ABCC11: variants seen among roughly 807,000 people sequenced by gnomAD.
ABCC11 encodes ATP-binding cassette sub-family C member 11.
Under a neutral mutation model 149.3 loss-of-function variants are expected in ABCC11, and 135 were observed. That is an observed-to-expected ratio of 0.90 (90% CI 0.79 to 1.04). The LOEUF (loss-of-function observed/expected upper bound fraction) is 1.04. Among genes scored for constraint, ABCC11 ranks in the 50% least tolerant of loss-of-function variants. The pLI is 0.00. For synonymous variants in ABCC11, 665 were observed against 671.4 expected, an observed-to-expected ratio of 0.99 and a Z score of 0.15; for missense variants, 1,680 against 1,722.1, an observed-to-expected ratio of 0.98 and a Z score of 0.43.
intron 4 of ABCC11, among the ~76,000 whole-genome samples, chr16:48,227,346 C>T (rs566139446): frequency 2.6e-5 from 4 of 151,828 alleles, no homozygotes; most frequent in African/African-American, 4.8e-5. Context: ...TGGTGGCAAG[C>T]GCCTGTAATT....
intron 3 of ABCC11, 85 bp from the exon 4 acceptor site, chr16:48,228,049 GGTTACCC>G: frequency 8.4e-7 from 1 of 1,185,088 alleles, no homozygotes; most frequent in Non-Finnish European, 1.1e-6. Context: ...AACACAACGA[GGTTACCC>G]AGATCTACAC....
At chr16:48,199,241 A>G (rs145000943) in intron 15 of ABCC11, among the ~76,000 whole-genome samples, 1 of 152,232 alleles carries the variant, frequency 6.6e-6, no homozygotes, top group East Asian at 1.9e-4. Context: ...GAAGACATGC[A>G]TGGAAACAAT....
At chr16:48,181,352 A>G (rs114004880) in intron 23 of ABCC11, among the ~76,000 whole-genome samples, 1 of 152,204 alleles carries the variant, frequency 6.6e-6, no homozygotes, top group Admixed American at 6.5e-5. Flanking sequence ...AAACGCTCTA[A>G]GCCCTAAGTT....
At chr16:48,184,361 A>AC in intron 23 of ABCC11, 79 bp downstream of exon 23, 1 of 1,505,384 alleles carries the variant, frequency 6.6e-7, no homozygotes, top group South Asian at 1.3e-5. Context: ...ACACCTGAGG[A>AC]CCCCCTGAGT....
At chr16:48,195,809 T>C (rs1027839374) in intron 18 of ABCC11, among the ~76,000 whole-genome samples, 1 of 152,166 alleles carries the variant, frequency 6.6e-6, no homozygotes, top group Non-Finnish European at 1.5e-5. Context: ...CTGCTCATGA[T>C]AAACTCAGCT....
At chr16:48,233,540 T>TG (rs1246961678) in intron 1 of ABCC11, among the ~76,000 whole-genome samples, 1 of 152,198 alleles carries the variant, frequency 6.6e-6, no homozygotes, top group African/African-American at 2.4e-5. Context: ...TTTACAGCTC[T>TG]GGGAGGAAGA....
At position 48,170,058 on chromosome 16, in the gene ABCC11, T is replaced by A. The variant is rs114778367; in HGVS notation, c.3891+47A>T. The A allele has an allele frequency of 3.3e-3, 5,100 of 1,532,294 alleles. 164 individuals carry two copies. The African/African-American group carries it at 0.063, about 19-fold the overall frequency. 94.9% of individuals were successfully genotyped at this position (1,532,294 alleles called of 1,614,324 possible). Reference sequence around the variant, plus strand: ...GGAGCCGGTGTGGCTTCCCTCATCATGCGTAGTCTGTGGCTTCCCCTGGCC... The same window carrying A: ...GGAGCCGGTGTGGCTTCCCTCATCAAGCGTAGTCTGTGGCTTCCCCTGGCC... On this transcript the variant is annotated intron_variant, in intron 28 of 29. Transcript: ENST00000356608.
intron 1 of ABCC11, chr16:48,232,248 T>G (rs1413734144): frequency 4.2e-6 from 1 of 237,858 alleles, no homozygotes; most frequent in Non-Finnish European, 7.7e-6. Flanking sequence ...GCTCATAAAA[T>G]CAGTCTTCTT....
At chr16:48,244,347 T>G (rs2150949540) in intron 1 of ABCC11, 2 of 1,430,488 alleles carry the variant, frequency 1.4e-6, no homozygotes, top group South Asian at 2.7e-5. Flanking sequence ...CAGCTGTCTG[T>G]CTGGCTCTTT....
chr16:48,213,516 C>T lies in ABCC11; in HGVS notation c.1283G>A (p.Arg428Gln), dbSNP rs375175696. 36 of 1,610,506 alleles carry T rather than the reference C, an allele frequency of 2.2e-5. No individual in the cohort carries two copies. In the Middle Eastern group the frequency reaches 4.9e-4, roughly 22 times the overall value. The change falls in exon 10 of 30, where the codon CGG becomes CAG. Residue 428 changes from arginine to glutamine, a missense_variant. Transcript: ENST00000356608. ...AATAGGCACAAAGAACACTGACAGC[C>T]GAAGGAGATTCAAGGAGGCCAGCAT... ...FSMLASLNLL[R>Q]LSVFFVPIAV...
intron 15 of ABCC11, among the ~76,000 whole-genome samples, chr16:48,198,669 A>G (rs1967659624): frequency 6.6e-6 from 1 of 151,598 alleles, no homozygotes; most frequent in South Asian, 2.1e-4. Flanking sequence ...AGTGAAAAAT[A>G]AGAAACAACT....
chr16:48,216,360 C>G (rs1969346061), intron 6 of ABCC11, 73 bp from the exon 7 acceptor site: 2 of 1,455,822 alleles, frequency 1.4e-6, no homozygotes, highest in Admixed American at 1.8e-5. Flanking sequence ...GGTGGCCTCC[C>G]CATGCCCTCT....
In ABCC11 at chr16:48,215,348, G is replaced by A; in HGVS notation, c.952-4C>T. 1 of 1,612,352 alleles carries A rather than the reference G, an allele frequency of 6.2e-7. No individual in the cohort carries two copies. Among genetic ancestry groups the A allele is most frequent in the Non-Finnish European group, 8.5e-7 (1 of 1,178,704 alleles). ...CAGCCATTCTTGTCATGAATACCTG[G>A]AGTCAGGATACAGCAAGTTTGGAGT... On this transcript the variant is annotated splice_polypyrimidine_tract_variant and splice_region_variant and intron_variant, in intron 7 of 29. Coordinates refer to ENST00000356608, the MANE Select transcript of ABCC11 (RefSeq NM_001370497.1).
In ABCC11 at chr16:48,198,193, T is replaced by C; in HGVS notation, c.2165A>G (p.Lys722Arg). 1 of 1,614,246 alleles carries C rather than the reference T, an allele frequency of 6.2e-7. No homozygotes were observed. Among genetic ancestry groups the C allele is most frequent in the Non-Finnish European group, 8.5e-7 (1 of 1,180,038 alleles). Reference protein sequence around the residue: ...ENGTHSELMQKKGKYAQLIQK... With the variant: ...ENGTHSELMQRKGKYAQLIQK... Reference sequence around the variant, plus strand: ...GATAAGTTGGGCATATTTCCCCTTTTTCTGCATTAACTCACTGTGAGTTCC... The same window carrying C: ...GATAAGTTGGGCATATTTCCCCTTTCTCTGCATTAACTCACTGTGAGTTCC... Residue 722 changes from lysine (K) to arginine (R), a missense_variant, in exon 16 of 30, where the codon AAA becomes AGA. Coordinates refer to ENST00000356608, the MANE Select transcript of ABCC11 (RefSeq NM_001370497.1).
chr16:48,210,457 A>G (rs1352012947), intron 11 of ABCC11: 1 of 156,430 alleles, frequency 6.4e-6, no homozygotes, highest in Non-Finnish European at 1.4e-5. Flanking sequence ...TATATCAATT[A>G]TTATAAGGTA....
In ABCC11 at chr16:48,196,295, C is replaced by T. The variant is rs1458705314; in HGVS notation, c.2341G>A (p.Glu781Lys). 1.2e-6 allele frequency: 2 copies of T among 1,614,160 alleles called. No homozygotes were observed. Among genetic ancestry groups the T allele is most frequent in the South Asian group, 2.2e-5 (2 of 91,076 alleles). Residue 781 changes from glutamate to lysine, a missense_variant, in exon 18 of 30, where the codon GAG becomes AAG. Transcript: ENST00000356608. Reference sequence around the variant, plus strand: ...CTCAAGGAGCCTTCTTCCATCTCCTCCTCCTGTGTGAGCTGATGCTCCGGC... The same window carrying T: ...CTCAAGGAGCCTTCTTCCATCTCCTTCTCCTGTGTGAGCTGATGCTCCGGC... The part of the protein sequence containing the change: ...AVPEHQLTQE[E>K]EMEEGSLSWR...
In ABCC11 at chr16:48,194,017, C is replaced by T. The variant is rs370088412; in HGVS notation, c.2405-35G>A. ...AGACAGTGGTGATGTACAAGTGCCA[C>T]AAACAGGTGCGAGGCAACTGCTGAC... On this transcript the variant is annotated intron_variant, in intron 18 of 29. Coordinates refer to ENST00000356608, the MANE Select transcript of ABCC11 (RefSeq NM_001370497.1). The T allele has an allele frequency of 1.5e-5, 23 of 1,523,772 alleles. No homozygotes were observed. In the African/African-American group the frequency reaches 1.8e-4, roughly 12 times the overall value. 94.4% of individuals were successfully genotyped at this position (1,523,772 alleles called of 1,614,324 possible). A position where few individuals can be genotyped will look rare whatever the true frequency, so the allele number is the denominator to read the frequency against.
At chr16:48,182,254 A>ATACATGCATT (rs1966485425) in intron 23 of ABCC11, among the ~76,000 whole-genome samples, 1 of 152,192 alleles carries the variant, frequency 6.6e-6, no homozygotes, top group African/African-American at 2.4e-5. Context: ...ACTCCTACAC[A>ATACATGCATT]TACATGCATT....
chr16:48,218,441 C>T (rs58880304), intron 6 of ABCC11, among the ~76,000 whole-genome samples: 28,330 of 152,176 alleles, frequency 0.19, 2,944 homozygotes, highest in Middle Eastern at 0.29. Flanking sequence ...GTCACCTCAT[C>T]AGTGAAATGG....
Sources: allele counts gnomAD v4.1 joint callset (sites outside exome capture counted in the v4.1 genomes callset), GRCh38; gene constraint gnomAD v4.1.1; transcripts MANE v1.5; gene names NCBI Gene and HGNC (gene_info 2026-07-23, HGNC 2026-07-21).